The following ARRDC1 variants were observed in gnomAD, a reference collection of about 807,000 sequenced individuals.
ARRDC1 encodes arrestin domain containing 1.
A neutral mutation model predicts 40.1 loss-of-function variants in ARRDC1; 37 were observed. The observed-to-expected ratio is 0.92, with a 90% confidence interval of 0.71 to 1.21. The LOEUF is 1.21. ARRDC1 is among the 50% of genes most tolerant of loss of function. The pLI is 0.00. For missense variants in ARRDC1, 641 were observed against 581.9 expected (o/e 1.10, Z -1.04); for synonymous variants, 310 against 262.5 (o/e 1.18, Z -1.75).
At position 137,613,678 on chromosome 9, in the gene ARRDC1, T is replaced by G. The variant is rs977529879; in HGVS notation, c.344T>G (p.Ile115Ser). 2 of 1,614,186 alleles carry G rather than the reference T, an allele frequency of 1.2e-6. No homozygotes were observed. The highest frequency in any genetic ancestry group is 2.7e-5 in the African/African-American group (2 of 75,058). The part of the protein sequence containing the change: ...GKIVHQVRAA[I>S]HTPRFSKDHK... The stretch of plus-strand genomic sequence containing the variant: ...ATCGTGCACCAGGTGAGGGCCGCCA[T>G]CCACACGCCACGGTTTTCCAAGGAT... Residue 115 changes from isoleucine to serine, a missense_variant, in exon 4 of 8, where the codon ATC becomes AGC. Ile to Ser is a moderately radical substitution (Grantham distance 142, BLOSUM62 -2). Coordinates refer to ENST00000371421, the MANE Select transcript of ARRDC1 (RefSeq NM_152285.4).
chr9:137,605,721 G>T lies in ARRDC1; in HGVS notation c.4G>T (p.Gly2Trp). ...GGCTGGCCGGTGAGGCCGCGGCATG[G>T]GGCGAGTGCAGCTCTTCGAGATCAG... M[G>W]RVQLFEISLS... Residue 2 changes from glycine to tryptophan, a missense_variant, in exon 1 of 8, where the codon GGG becomes TGG. Physicochemically the swap from Gly to Trp is radical, Grantham distance 184 (BLOSUM62 -2). Transcript: ENST00000371421. The T allele has an allele frequency of 7.3e-7, 1 of 1,375,824 alleles. No individual in the cohort carries two copies. The allele number at this position is 1,375,824 out of a possible 1,614,324, so 85.2% of individuals were successfully genotyped here.
intron 1 of ARRDC1, among the ~76,000 whole-genome samples, chr9:137,609,036 T>C (rs898449139): frequency 1.3e-5 from 2 of 152,192 alleles, no homozygotes; most frequent in African/African-American, 4.8e-5. Flanking sequence ...TCGCGATGCT[T>C]TGCTAGTAGG....
At chr9:137,613,192 C>T in intron 2 of ARRDC1, 186 bp downstream of exon 2, 1 of 742,350 alleles carries the variant, frequency 1.3e-6, no homozygotes, top group East Asian at 2.7e-5. Context: ...GGCCACCTCC[C>T]CCTTGTGCTG....
In ARRDC1 at chr9:137,613,539, G is replaced by T. The variant is rs190534300; in HGVS notation, c.280+29G>T. Reference sequence around the variant, plus strand: ...AGAGCCCAGCCTGGACAGGCCTGGTGATGACCAACTGGTCCTGGGAGGTGG... The same window carrying T: ...AGAGCCCAGCCTGGACAGGCCTGGTTATGACCAACTGGTCCTGGGAGGTGG... On this transcript the variant is annotated intron_variant, in intron 3 of 7. Coordinates refer to ENST00000371421, the MANE Select transcript of ARRDC1 (RefSeq NM_152285.4). 9.2e-5 allele frequency: 148 copies of T among 1,613,984 alleles called. 1 individual carries two copies. The East Asian group carries it at 3.3e-3, about 35-fold the overall frequency.
chr9:137,614,021 C>G lies in ARRDC1; in HGVS notation c.436-11C>G. ...ACACCTGCTAAGCCCCTCCCTGGCC[C>G]TCCCCCCAAGCAACCCAACGTGGCC... On this transcript the variant is annotated splice_polypyrimidine_tract_variant and intron_variant, in intron 4 of 7. Transcript: ENST00000371421. 2 of 1,613,390 alleles carry G rather than the reference C, an allele frequency of 1.2e-6. No homozygotes were observed. Among genetic ancestry groups the G allele is most frequent in the Non-Finnish European group, 1.7e-6 (2 of 1,179,860 alleles).
intron 1 of ARRDC1, among the ~76,000 whole-genome samples, chr9:137,608,515 A>C (rs1842461274): frequency 1.3e-5 from 2 of 152,210 alleles, no homozygotes; most frequent in Admixed American, 1.3e-4. Context: ...TGGAAAGAAG[A>C]GGGAGCGGGG....
intron 1 of ARRDC1, among the ~76,000 whole-genome samples, chr9:137,609,581 A>G (rs1166325473): frequency 6.7e-6 from 1 of 148,182 alleles, no homozygotes; most frequent in Non-Finnish European, 1.5e-5. Context: ...TGTCACCCAG[A>G]CTGGAGTGCA....
At chr9:137,613,437 C>T (rs563399186) in intron 2 of ARRDC1, 23 bp from the exon 3 acceptor site, 2 of 1,607,304 alleles carry the variant, frequency 1.2e-6, no homozygotes, top group South Asian at 2.2e-5. Context: ...GGACTGCCCC[C>T]CACCTCCCTC....
At chr9:137,609,786 A>G (rs913991409) in intron 1 of ARRDC1, among the ~76,000 whole-genome samples, 5 of 152,076 alleles carry the variant, frequency 3.3e-5, no homozygotes, top group Non-Finnish European at 7.4e-5. Context: ...TTGGCCCCCC[A>G]AAGTGTTGGG....
At chr9:137,606,164 C>A (rs1008141358) in intron 1 of ARRDC1, among the ~76,000 whole-genome samples, 8 of 151,980 alleles carry the variant, frequency 5.3e-5, no homozygotes, top group African/African-American at 9.6e-5. Context: ...CCTTCCCGCA[C>A]CCTGGCTCCC....
rs138784661 is a variant in ARRDC1 at position 137,614,575 on chromosome 9, C to A, written c.812C>A (p.Pro271Gln). 7.4e-6 allele frequency: 12 copies of A among 1,612,908 alleles called. No individual in the cohort carries two copies. Among genetic ancestry groups the A allele is most frequent in the African/African-American group, 6.7e-5 (5 of 74,910 alleles). ...DYYLQVSLKA[P>Q]EATVTLPVFI... is the part of the protein sequence containing the mutation. Reference sequence around the variant, plus strand: ...CCTGTCCAGGTCTCTCTGAAGGCGCCGGAAGCTACTGTGACCCTCCCGGTC... The same window carrying A: ...CCTGTCCAGGTCTCTCTGAAGGCGCAGGAAGCTACTGTGACCCTCCCGGTC... The change falls in exon 7 of 8, where the codon CCG becomes CAG. Residue 271 changes from proline (P) to glutamine (Q), a missense_variant. Pro to Gln is a moderately conservative substitution (Grantham distance 76, BLOSUM62 -1). Coordinates refer to ENST00000371421, the MANE Select transcript of ARRDC1 (RefSeq NM_152285.4).
intron 1 of ARRDC1, among the ~76,000 whole-genome samples, chr9:137,607,701 A>G (rs1842447456): frequency 2.0e-5 from 3 of 152,206 alleles, no homozygotes; most frequent in Non-Finnish European, 4.4e-5. Flanking sequence ...ACAGATTTGG[A>G]AACAGGACTG....
intron 1 of ARRDC1, among the ~76,000 whole-genome samples, chr9:137,610,003 CG>C (rs1466584465): frequency 2.0e-5 from 3 of 151,708 alleles, no homozygotes; most frequent in East Asian, 2.0e-4. Context: ...TTAGTAGAGA[CG>C]GGGGTTTCAC....
chr9:137,605,792 T>C lies in ARRDC1; in HGVS notation c.75T>C (p.Ala25=), dbSNP rs1370109176. 1 of 1,315,272 alleles carries C rather than the reference T, an allele frequency of 7.6e-7. No individual in the cohort carries two copies. Among genetic ancestry groups the C allele is most frequent in the South Asian group, 2.0e-5 (1 of 49,496 alleles). 81.5% of individuals were successfully genotyped at this position (1,315,272 alleles called of 1,614,324 possible). A position where few individuals can be genotyped will look rare whatever the true frequency, so the allele number is the denominator to read the frequency against. The change falls in exon 1 of 8, where the codon GCT becomes GCC. Residue 25 remains alanine, a synonymous_variant. Coordinates refer to ENST00000371421, the MANE Select transcript of ARRDC1 (RefSeq NM_152285.4). ...TCTACAGCCCCGGGGAGCCGTTGGCTGGGACCGTGCGCGTGCGCCTGGGGG... is the reference window on the plus strand; with the variant it reads ...TCTACAGCCCCGGGGAGCCGTTGGCCGGGACCGTGCGCGTGCGCCTGGGGG... ...RVVYSPGEPL[A]GTVRVRLGAP... is the part of the protein sequence containing the mutation.
chr9:137,613,187 C>T (rs769971358), intron 2 of ARRDC1, 181 bp downstream of exon 2: 1 of 746,418 alleles, frequency 1.3e-6, no homozygotes, highest in South Asian at 1.5e-5. Flanking sequence ...GAAGGGGCCA[C>T]CTCCCCCTTG....
Position 137,615,198 on chromosome 9 carries a change from C to T in ARRDC1, c.*60C>T. 7.7e-6 allele frequency: 11 copies of T among 1,437,092 alleles called. No individual in the cohort carries two copies. In the South Asian group the frequency reaches 1.6e-4, roughly 20 times the overall value. 89.0% of individuals were successfully genotyped at this position (1,437,092 alleles called of 1,614,324 possible). A position where few individuals can be genotyped will look rare whatever the true frequency, so the allele number is the denominator to read the frequency against. On this transcript the variant is annotated 3_prime_UTR_variant, in exon 8 of 8. Transcript: ENST00000371421. The stretch of plus-strand genomic sequence containing the variant: ...TGCCCTGGGACTGGGGCGCCCAGGG[C>T]CTCGTGCCTTCTCTCTTGGCCTAGC...
Position 137,614,439 on chromosome 9 carries a change from G to C in ARRDC1, c.759G>C (p.Pro253=). 1 of 1,613,364 alleles carries C rather than the reference G, an allele frequency of 6.2e-7. No homozygotes were observed. Among genetic ancestry groups the C allele is most frequent in the South Asian group, 1.1e-5 (1 of 91,084 alleles). The change falls in exon 6 of 8, where the codon CCG becomes CCC. Residue 253 remains proline (P), a synonymous_variant. Transcript: ENST00000371421. ...LVPALPQSAL[P]GCSLIHIDYY... ...CTGCCTTGCCCCAGTCGGCCCTGCC[G>C]GGCTGCAGCCTCATCCACATCGACT...
In ARRDC1 at chr9:137,614,218, A is replaced by G; in HGVS notation, c.618+4A>G. Reference sequence around the variant, plus strand: ...TGTGGTGGCCAGTCTGCTGCAGGTCAGAGCCCCCGCCAGTTGCCTGGACCG... The same window carrying G: ...TGTGGTGGCCAGTCTGCTGCAGGTCGGAGCCCCCGCCAGTTGCCTGGACCG... On this transcript the variant is annotated splice_donor_region_variant and intron_variant, in intron 5 of 7. Transcript: ENST00000371421. The G allele has an allele frequency of 6.3e-7, 1 of 1,587,694 alleles. No homozygotes were observed. Among genetic ancestry groups the G allele is most frequent in the Non-Finnish European group, 8.6e-7 (1 of 1,163,134 alleles).
chr9:137,614,927 C>T lies in ARRDC1; in HGVS notation c.1164C>T (p.Gly388=). The T allele has an allele frequency of 6.2e-7, 1 of 1,613,922 alleles. No individual in the cohort carries two copies. The highest frequency in any genetic ancestry group is 8.5e-7 in the Non-Finnish European group (1 of 1,180,006). The change falls in exon 7 of 8, where the codon GGC becomes GGT. Residue 388 remains glycine, a synonymous_variant. Transcript: ENST00000371421. ...CCACTGTCCCCTACTTTGCAGAGGG[C>T]TCCGGGGGGCCAGTGCCCACTACCA... ...TGATVPYFAE[G]SGGPVPTTST... is the part of the protein sequence containing the mutation.
Sources: gnomAD v4.1 joint callset for allele counts (sites outside exome capture counted in the v4.1 genomes callset) on GRCh38, gnomAD v4.1.1 for gene constraint, MANE v1.5 for transcripts, NCBI Gene and HGNC (gene_info 2026-07-23, HGNC 2026-07-21) for gene names.